CHD2: variants seen among roughly 807,000 people sequenced by gnomAD.
CHD2 encodes the protein ATP-dependent chromatin remodeler CHD2.
A neutral mutation model predicts 243.9 loss-of-function variants in CHD2; 28 were observed. That is an observed-to-expected ratio of 0.11 (90% confidence interval 0.09 to 0.16). The LOEUF is 0.16. Ranked by LOEUF, CHD2 falls within the 10% of genes least tolerant of loss-of-function variation. CHD2 has a pLI of 1.00. For missense variants in CHD2, 1,386 were observed against 2,209.8 expected, an observed-to-expected ratio of 0.63 and a Z score of 7.47; for synonymous variants, 775 against 779.0, an observed-to-expected ratio of 0.99 and a Z score of 0.09.
intron 38 of CHD2, among the ~76,000 whole-genome samples, chr15:93,023,435 G>C (rs1378154615): frequency 2.0e-5 from 3 of 152,196 alleles, no homozygotes; most frequent in Non-Finnish European, 4.4e-5. Context: ...CATTTGAGTT[G>C]TTTCCATCTT....
chr15:92,985,532 C>G lies in CHD2; in HGVS notation c.3272C>G (p.Ser1091Cys). 1 of 1,614,044 alleles carries G rather than the reference C, an allele frequency of 6.2e-7. No individual in the cohort carries two copies. The highest frequency in any genetic ancestry group is 8.5e-7 in the Non-Finnish European group (1 of 1,179,964). ...QTNDSDSDTESKRQAQRSSAS... is the reference protein window; with the variant it reads ...QTNDSDSDTECKRQAQRSSAS... ...AATGACAGTGACTCTGACACTGAGT[C>G]TAAGAGGCAGGCCCAGAGATCCTCT... Residue 1091 changes from serine (S) to cysteine (C), a missense_variant, in exon 26 of 39, where the codon TCT (serine) becomes TGT (cysteine). Physicochemically the swap from Ser to Cys is moderately radical, Grantham distance 112. Transcript: ENST00000394196.
chr15:92,986,665 T>A (rs554914235), intron 26 of CHD2, among the ~76,000 whole-genome samples: 1 of 152,342 alleles, frequency 6.6e-6, no homozygotes, highest in South Asian at 2.1e-4. Flanking sequence ...GTATGTTCTA[T>A]AGCTGTATTT....
chr15:93,010,434 A>G (rs1312971677), intron 35 of CHD2, among the ~76,000 whole-genome samples: 10 of 148,658 alleles, frequency 6.7e-5, no homozygotes, highest in Non-Finnish European at 1.2e-4. Flanking sequence ...TTTTTTTTAA[A>G]TGAGACAGAG....
chr15:92,976,913 A>AT (rs1179280046), intron 20 of CHD2, among the ~76,000 whole-genome samples: 13 of 149,294 alleles, frequency 8.7e-5, no homozygotes, highest in African/African-American at 1.5e-4. Context: ...AAAAAAAAAA[A>AT]TTTTTTTTTT....
At chr15:92,907,740 A>G (rs1338147967) in intron 2 of CHD2, among the ~76,000 whole-genome samples, 6 of 152,340 alleles carry the variant, frequency 3.9e-5, no homozygotes, top group East Asian at 3.9e-4. Context: ...AGCCCATCAC[A>G]TTAAAAGTGC....
intron 12 of CHD2, 82 bp downstream of exon 12, chr15:92,946,298 A>G: frequency 9.0e-7 from 1 of 1,115,022 alleles, no homozygotes; most frequent in Non-Finnish European, 1.2e-6. Flanking sequence ...CTGAGAAAAT[A>G]TTACAAAATG....
intron 20 of CHD2, among the ~76,000 whole-genome samples, chr15:92,977,220 T>G (rs2053921855): frequency 6.6e-6 from 1 of 152,176 alleles, no homozygotes; most frequent in Admixed American, 6.5e-5. Flanking sequence ...AATCACAGAT[T>G]ATGTGCCTGG....
intron 19 of CHD2, among the ~76,000 whole-genome samples, chr15:92,973,512 T>TC (rs1184787932): frequency 6.6e-6 from 1 of 152,166 alleles, no homozygotes; most frequent in Non-Finnish European, 1.5e-5. Context: ...AATGATTATC[T>TC]CCTAAGAAGG....
At chr15:92,932,707 C>G (rs548240800) in intron 5 of CHD2, among the ~76,000 whole-genome samples, 1 of 152,210 alleles carries the variant, frequency 6.6e-6, no homozygotes, top group Admixed American at 6.5e-5. Flanking sequence ...TTGCAAGGGA[C>G]TGTGTTCTTT....
At chr15:92,930,177 C>G (rs749371484) in intron 5 of CHD2, among the ~76,000 whole-genome samples, 8 of 152,170 alleles carry the variant, frequency 5.3e-5, no homozygotes, top group Non-Finnish European at 1.0e-4. Flanking sequence ...GCTTACTGGT[C>G]TAATGGCCTT....
At chr15:93,006,328 T>C (rs1366563064) in intron 34 of CHD2, among the ~76,000 whole-genome samples, 1 of 152,084 alleles carries the variant, frequency 6.6e-6, no homozygotes, top group East Asian at 1.9e-4. Flanking sequence ...GGTTTCACCA[T>C]GTTGGTCAGG....
At chr15:92,946,291 A>G (rs2053466726) in intron 12 of CHD2, 75 bp downstream of exon 12, 1 of 1,153,812 alleles carries the variant, frequency 8.7e-7, no homozygotes, top group Admixed American at 2.8e-5. Context: ...ATATGTGCTG[A>G]GAAAATATTA....
Position 93,025,938 on chromosome 15 carries a change from T to G in CHD2, c.*1233T>G, listed in dbSNP as rs1196984264. On this transcript the variant is annotated 3_prime_UTR_variant, in exon 39 of 39. Transcript: ENST00000394196. ...GAGATCATTAGAATTGAATTCAGTT[T>G]CTCTTAGAATATAATCAGGTATAAA... 2 of 152,386 alleles carry G rather than the reference T, an allele frequency of 1.3e-5. No homozygotes were observed. Among genetic ancestry groups the G allele is most frequent in the Admixed American group, 1.3e-4 (2 of 15,288 alleles). 9.4% of individuals were successfully genotyped at this position (152,386 alleles called of 1,614,324 possible).
intron 19 of CHD2, among the ~76,000 whole-genome samples, chr15:92,973,728 G>A (rs879452242): frequency 1.3e-5 from 2 of 152,158 alleles, no homozygotes; most frequent in Non-Finnish European, 2.9e-5. Flanking sequence ...AGGAAATCCC[G>A]TGATACCAAG....
chr15:92,984,473 G>A lies in CHD2; in HGVS notation c.3210G>A (p.Leu1070=). 1 of 1,610,376 alleles carries A rather than the reference G, an allele frequency of 6.2e-7. No individual in the cohort carries two copies. Among genetic ancestry groups the A allele is most frequent in the Non-Finnish European group, 8.5e-7 (1 of 1,178,436 alleles). Residue 1070 remains leucine (L), a synonymous_variant, in exon 25 of 39, where the codon CTG becomes CTA. Coordinates refer to ENST00000394196, the MANE Select transcript of CHD2 (RefSeq NM_001271.4). ...RQKELEEIYM[L]PRIRSSTKKA... is the part of the protein sequence containing the mutation. ...AGGAGCTAGAAGAAATTTATATGCT[G>A]CCTCGAATTCGGAGTTCCACTAAAA... is the stretch of plus-strand genomic sequence containing the variant.
intron 2 of CHD2, among the ~76,000 whole-genome samples, chr15:92,905,486 A>T (rs2052603842): frequency 1.3e-5 from 2 of 152,234 alleles, no homozygotes. Flanking sequence ...CAGTTGGAGT[A>T]GGCTGTCCTG....
chr15:92,925,965 T>C (rs187472190), intron 3 of CHD2, among the ~76,000 whole-genome samples: 1 of 152,306 alleles, frequency 6.6e-6, no homozygotes, highest in Admixed American at 6.5e-5. Context: ...CTTAGTGACA[T>C]TGTTGGATCA....
In CHD2 at chr15:93,024,789, C is replaced by T; in HGVS notation, c.*84C>T. ...ATCCTACAGTAGCCGGTTATCTAGA[C>T]CAGTAAGTGGAGTTTTGGACATGCT... On this transcript the variant is annotated 3_prime_UTR_variant, in exon 39 of 39. Transcript: ENST00000394196. The T allele has an allele frequency of 8.4e-7, 1 of 1,193,702 alleles. No homozygotes were observed. Among genetic ancestry groups the T allele is most frequent in the Non-Finnish European group, 1.2e-6 (1 of 852,752 alleles). 73.9% of individuals were successfully genotyped at this position (1,193,702 alleles called of 1,614,324 possible).
At chr15:92,915,546 C>T (rs930789210) in intron 2 of CHD2, among the ~76,000 whole-genome samples, 5 of 152,196 alleles carry the variant, frequency 3.3e-5, no homozygotes, top group Admixed American at 1.3e-4. Context: ...GCTGGGATTA[C>T]AGGCGTGAGC....
Sources: gnomAD v4.1 joint callset for allele counts (sites outside exome capture counted in the v4.1 genomes callset) on GRCh38, gnomAD v4.1.1 for gene constraint, MANE v1.5 for transcripts, NCBI Gene and HGNC (gene_info 2026-07-23, HGNC 2026-07-21) for gene names.